KCNQ5: variants seen among roughly 807,000 people sequenced by gnomAD.
The protein encoded by KCNQ5 is potassium voltage-gated channel subfamily Q member 5.
In KCNQ5, 30 loss-of-function variants were observed where a neutral mutation model predicts 98.2. The ratio of observed to expected loss-of-function variants is 0.31; its 90% CI spans 0.23 to 0.41. The LOEUF (loss-of-function observed/expected upper bound fraction) is 0.41, where lower values mean the gene tolerates loss of function less well. Among genes scored for constraint, KCNQ5 ranks in the 10% least tolerant of loss-of-function variants. The pLI, the probability that KCNQ5 is intolerant of heterozygous loss-of-function variation, is 1.00. For synonymous variants in KCNQ5, 458 were observed against 449.4 expected, an observed-to-expected ratio of 1.02 and a Z score of -0.24; for missense variants, 835 against 1,182.5, an observed-to-expected ratio of 0.71 and a Z score of 4.31.
intron 10 of KCNQ5, among the ~76,000 whole-genome samples, chr6:73,156,131 G>C (rs1777353059): frequency 6.6e-6 from 1 of 152,162 alleles, no homozygotes; most frequent in African/African-American, 2.4e-5. Context: ...TTAAGGTTTT[G>C]AGAAATGATA....
Position 73,086,242 on chromosome 6 carries a change from A to G in KCNQ5, c.918+8355A>G, listed in dbSNP as rs200576990. ...CTTCACAGCCCAAGCCTCTTTGCCT[A>G]TTCCAAGCCTCTGACTCCCCACACA... On this transcript the variant is annotated intron_variant, in intron 5 of 13. Coordinates refer to ENST00000370398, the MANE Select transcript of KCNQ5 (RefSeq NM_019842.4). 2.5e-3 allele frequency among the ~76,000 whole-genome samples: 383 copies of G among 152,020 alleles called. 1 individual carries two copies. The highest frequency in any genetic ancestry group is 8.9e-3 in the African/African-American group (370 of 41,486).
intron 1 of KCNQ5, among the ~76,000 whole-genome samples, chr6:72,654,496 G>C (rs1271738179): frequency 6.6e-6 from 1 of 152,050 alleles, no homozygotes; most frequent in East Asian, 1.9e-4. Context: ...CTGAGTGAAA[G>C]TTAGAAATAA....
chr6:72,817,969 C>T (rs1775577402), intron 1 of KCNQ5, among the ~76,000 whole-genome samples: 1 of 151,932 alleles, frequency 6.6e-6, no homozygotes, highest in South Asian at 2.1e-4. Context: ...TGTCCAAGAG[C>T]CCCATTAAAT....
chr6:72,793,632 T>A (rs563182288), intron 1 of KCNQ5, among the ~76,000 whole-genome samples: 2 of 152,366 alleles, frequency 1.3e-5, no homozygotes, highest in South Asian at 2.1e-4. Flanking sequence ...GACATTTAAT[T>A]ATATTATCAA....
chr6:72,917,905 G>A (rs1780226067), intron 1 of KCNQ5, among the ~76,000 whole-genome samples: 1 of 152,040 alleles, frequency 6.6e-6, no homozygotes, highest in East Asian at 1.9e-4. Flanking sequence ...CAGCACTATT[G>A]ACATTTGGGC....
chr6:72,943,975 A>G (rs935989163), intron 1 of KCNQ5, among the ~76,000 whole-genome samples: 2 of 152,210 alleles, frequency 1.3e-5, no homozygotes, highest in African/African-American at 4.8e-5. Flanking sequence ...AGAAACCAAG[A>G]AGGTAAACAA....
intron 1 of KCNQ5, among the ~76,000 whole-genome samples, chr6:72,729,786 A>G (rs888619808): frequency 6.6e-6 from 1 of 151,970 alleles, no homozygotes; most frequent in Non-Finnish European, 1.5e-5. Flanking sequence ...GGTATTAGAG[A>G]AGTTTTTGCA....
At chr6:72,888,281 T>C (rs967090690) in intron 1 of KCNQ5, among the ~76,000 whole-genome samples, 30 of 152,038 alleles carry the variant, frequency 2.0e-4, no homozygotes, top group African/African-American at 6.0e-4. Context: ...GATGCGGAAG[T>C]TGGCAAAATA....
chr6:72,746,064 C>CAAAAAAAAAAAAAAAAAAAAAAAAAAA (rs59726566), intron 1 of KCNQ5, among the ~76,000 whole-genome samples: 1 of 80,148 alleles, frequency 1.2e-5, no homozygotes, highest in African/African-American at 3.5e-5. Flanking sequence ...ACTCTATTTG[C>CAAAAAAAAAAAAAAAAAAAAAAAAAAA]AAAAAAAAAA....
At chr6:72,731,398 A>G (rs1375793435) in intron 1 of KCNQ5, among the ~76,000 whole-genome samples, 1 of 152,250 alleles carries the variant, frequency 6.6e-6, no homozygotes, top group African/African-American at 2.4e-5. Context: ...AAGCTATCCC[A>G]AATAACAGTG....
chr6:72,663,731 C>A (rs948011925), intron 1 of KCNQ5, among the ~76,000 whole-genome samples: 1 of 152,088 alleles, frequency 6.6e-6, no homozygotes, highest in Non-Finnish European at 1.5e-5. Context: ...ATGCATTCTT[C>A]AATTCCAAAA....
chr6:73,179,242 G>T (rs1333504766), intron 11 of KCNQ5, among the ~76,000 whole-genome samples: 1 of 152,064 alleles, frequency 6.6e-6, no homozygotes, highest in Non-Finnish European at 1.5e-5. Flanking sequence ...GAGGTCCAAG[G>T]TGGGCAGGTG....
chr6:73,050,857 CT>C (rs1772203684), intron 3 of KCNQ5, among the ~76,000 whole-genome samples: 2 of 152,090 alleles, frequency 1.3e-5, no homozygotes, highest in Admixed American at 1.3e-4. Context: ...TTGAAATTGG[CT>C]TTTTCTTACA....
intron 11 of KCNQ5, among the ~76,000 whole-genome samples, chr6:73,179,574 A>G (rs896790012): frequency 2.0e-5 from 3 of 152,222 alleles, no homozygotes; most frequent in Non-Finnish European, 4.4e-5. Flanking sequence ...TGTGGAATGC[A>G]TGTCGGTAGT....
At chr6:73,009,669 T>A (rs1277601888) in intron 2 of KCNQ5, among the ~76,000 whole-genome samples, 3 of 152,106 alleles carry the variant, frequency 2.0e-5, no homozygotes, top group Non-Finnish European at 2.9e-5. Flanking sequence ...CTCGAATTAA[T>A]AGAATCAGAA....
At chr6:72,882,556 G>A (rs1186469954) in intron 1 of KCNQ5, among the ~76,000 whole-genome samples, 1 of 152,172 alleles carries the variant, frequency 6.6e-6, no homozygotes, top group African/African-American at 2.4e-5. Flanking sequence ...TGTGTTCAGG[G>A]AAAGTCCAAG....
chr6:72,646,300 A>AT (rs763875916), intron 1 of KCNQ5, among the ~76,000 whole-genome samples: 177 of 151,444 alleles, frequency 1.2e-3, no homozygotes, highest in Admixed American at 2.4e-3. Flanking sequence ...TCTTCATTTG[A>AT]TAAAAAAAAG....
rs1188198346 is a variant in KCNQ5 at position 73,195,268 on chromosome 6, A to G, written c.2653A>G (p.Thr885Ala). The change falls in exon 14 of 14, where the codon ACT (threonine) becomes GCT (alanine). Residue 885 changes from threonine (T) to alanine (A), a missense_variant. Transcript: ENST00000370398. ...GGGTCCCGAAGAGACAGAGACAGAC[A>G]CTTTTGATGCCGCACCGCAGCCTGC... The part of the protein sequence containing the change: ...EVGPEETETD[T>A]FDAAPQPARE... 5.6e-6 allele frequency: 9 copies of G among 1,614,034 alleles called. No homozygotes were observed. Among genetic ancestry groups the G allele is most frequent in the Non-Finnish European group, 6.8e-6 (8 of 1,180,036 alleles).
At chr6:72,703,968 A>G (rs1247641445) in intron 1 of KCNQ5, among the ~76,000 whole-genome samples, 1 of 152,184 alleles carries the variant, frequency 6.6e-6, no homozygotes, top group Non-Finnish European at 1.5e-5. Flanking sequence ...TTTGTGCTAT[A>G]CTTTGTGTGC....
Sources: gnomAD v4.1 joint callset for allele counts (sites outside exome capture counted in the v4.1 genomes callset) on GRCh38, gnomAD v4.1.1 for gene constraint, MANE v1.5 for transcripts, NCBI Gene and HGNC (gene_info 2026-07-23, HGNC 2026-07-21) for gene names.